SELENOI: variants seen among roughly 807,000 people sequenced by gnomAD.
The protein encoded by SELENOI is ethanolaminephosphotransferase 1.
A neutral mutation model predicts 50.7 loss-of-function variants in SELENOI; 24 were observed. The ratio of observed to expected loss-of-function variants is 0.47; its 90% CI spans 0.34 to 0.67. SELENOI has a LOEUF of 0.67. SELENOI is among the 30% of genes least tolerant of loss of function. The probability of loss-of-function intolerance (pLI) is 0.01; values close to 1 mark genes in which losing one functional copy is unlikely to be tolerated. For synonymous variants in SELENOI, 155 were observed against 170.2 expected, an observed-to-expected ratio of 0.91 and a Z score of 0.70; for missense variants, 352 against 461.4, an observed-to-expected ratio of 0.76 and a Z score of 2.17.
rs1677540746 is a variant in SELENOI, at chr2:26,375,150, T to C, written c.682+2T>C. On this transcript the variant is annotated splice_donor_variant, in intron 6 of 9. Coordinates refer to ENST00000260585, the MANE Select transcript of SELENOI (RefSeq NM_033505.4). LOFTEE classifies it high-confidence loss of function. ...ACCTATTCACTGCAATGATTATTGG[T>C]AAGAAGCTCCATGTTGAAGCCTGTT... 2 of 1,566,132 alleles carry C rather than the reference T, an allele frequency of 1.3e-6. No individual in the cohort carries two copies. The highest frequency in any genetic ancestry group is 3.4e-5 in the Admixed American group (2 of 58,614).
At chr2:26,376,171 T>G (rs1677564251) in intron 6 of SELENOI, among the ~76,000 whole-genome samples, 1 of 151,698 alleles carries the variant, frequency 6.6e-6, no homozygotes, top group Non-Finnish European at 1.5e-5. Flanking sequence ...GGGAATTAGG[T>G]AAGGCTTAGA....
At chr2:26,350,874 G>A (rs959982280) in intron 1 of SELENOI, among the ~76,000 whole-genome samples, 7 of 152,052 alleles carry the variant, frequency 4.6e-5, no homozygotes, top group Non-Finnish European at 1.0e-4. Context: ...CATTTATGAT[G>A]GGTTTCTGTT....
chr2:26,350,742 G>C (rs1160813192), intron 1 of SELENOI, among the ~76,000 whole-genome samples: 1 of 152,192 alleles, frequency 6.6e-6, no homozygotes, highest in Admixed American at 6.5e-5. Context: ...AGCTTCCAGG[G>C]AGTGGGAGCT....
intron 7 of SELENOI, 87 bp from the exon 8 acceptor site, chr2:26,384,872 T>TA (rs755857765): frequency 2.5e-5 from 23 of 909,182 alleles, no homozygotes; most frequent in Non-Finnish European, 3.4e-5. Flanking sequence ...AATAAGTGTA[T>TA]AAATAAGGAA....
chr2:26,384,480 A>C (rs1677798172), intron 7 of SELENOI, among the ~76,000 whole-genome samples: 1 of 152,176 alleles, frequency 6.6e-6, no homozygotes. Flanking sequence ...GCTTAGAGAC[A>C]CTGAGATGTG....
intron 7 of SELENOI, 50 bp downstream of exon 7, chr2:26,383,397 G>C (rs367774070): frequency 7.7e-6 from 10 of 1,300,326 alleles, no homozygotes; most frequent in Non-Finnish European, 1.1e-5. Context: ...AGTTTTAGCA[G>C]TTGTTAGCTG....
intron 9 of SELENOI, among the ~76,000 whole-genome samples, chr2:26,387,355 T>A (rs1677865120): frequency 6.6e-6 from 1 of 152,148 alleles, no homozygotes; most frequent in African/African-American, 2.4e-5. Flanking sequence ...ACAGTACAGT[T>A]ATTTTAATCA....
intron 1 of SELENOI, chr2:26,346,495 C>G: frequency 1.9e-6 from 1 of 532,700 alleles, no homozygotes; most frequent in Non-Finnish European, 3.2e-6. Flanking sequence ...GTCGGCACCC[C>G]CCGGGAGATT....
At chr2:26,385,858 G>A (rs953294107) in intron 8 of SELENOI, among the ~76,000 whole-genome samples, 1 of 152,166 alleles carries the variant, frequency 6.6e-6, no homozygotes, top group Non-Finnish European at 1.5e-5. Flanking sequence ...TATAAAAAGT[G>A]TCTCTGAAAG....
intron 3 of SELENOI, among the ~76,000 whole-genome samples, chr2:26,366,386 A>G (rs1467313454): frequency 1.3e-5 from 2 of 152,182 alleles, no homozygotes; most frequent in East Asian, 3.8e-4. Flanking sequence ...CTTTGTAACT[A>G]GAAATACTAT....
intron 1 of SELENOI, among the ~76,000 whole-genome samples, chr2:26,351,717 G>C (rs1171626189): frequency 3.3e-5 from 5 of 152,180 alleles, no homozygotes; most frequent in Admixed American, 6.5e-5. Context: ...AGGACTTCTG[G>C]ATTTGATCCT....
At chr2:26,365,478 ACT>A (rs1156381500) in intron 3 of SELENOI, among the ~76,000 whole-genome samples, 2 of 151,856 alleles carry the variant, frequency 1.3e-5, no homozygotes, top group Non-Finnish European at 2.9e-5. Context: ...TTTTATCTTC[ACT>A]CTGTTTCACA....
At chr2:26,372,519 T>C (rs976158905) in intron 4 of SELENOI, among the ~76,000 whole-genome samples, 1 of 152,200 alleles carries the variant, frequency 6.6e-6, no homozygotes, top group Admixed American at 6.5e-5. Flanking sequence ...TCAATTCTTA[T>C]ATTTGCTGAA....
chr2:26,356,635 T>A (rs1346927455), intron 1 of SELENOI, among the ~76,000 whole-genome samples: 1 of 152,188 alleles, frequency 6.6e-6, no homozygotes, highest in Non-Finnish European at 1.5e-5. Flanking sequence ...CCCATAATTG[T>A]CACTTGCCTG....
chr2:26,377,853 T>G (rs1014426321), intron 6 of SELENOI, among the ~76,000 whole-genome samples: 2 of 152,232 alleles, frequency 1.3e-5, no homozygotes, highest in East Asian at 3.8e-4. Context: ...TCTATTTCTT[T>G]GCATACCTAG....
intron 1 of SELENOI, among the ~76,000 whole-genome samples, chr2:26,357,429 C>G (rs966690898): frequency 2.6e-5 from 4 of 152,162 alleles, no homozygotes; most frequent in African/African-American, 9.7e-5. Flanking sequence ...TTACTAGCCT[C>G]CTAAGGCTGC....
At position 26,354,793 on chromosome 2, in the gene SELENOI, A is replaced by G. The variant is rs1677033396; in HGVS notation, c.57+8504A>G. On this transcript the variant is annotated intron_variant, in intron 1 of 9. Coordinates refer to ENST00000260585, the MANE Select transcript of SELENOI (RefSeq NM_033505.4). ...TAATGTACGCAGATGGGGAAAATGT[A>G]GTGGAAAAAACCTGATTTTGTTTAC... Among the ~76,000 whole-genome samples, 4 of 152,222 alleles carry G rather than the reference A, an allele frequency of 2.6e-5. No individual in the cohort carries two copies. The South Asian group carries it at 8.3e-4, about 31-fold the overall frequency.
chr2:26,382,324 G>T (rs1267291978), intron 6 of SELENOI, among the ~76,000 whole-genome samples: 3 of 152,232 alleles, frequency 2.0e-5, no homozygotes, highest in Non-Finnish European at 4.4e-5. Context: ...GAAATGGTGA[G>T]ATGGCTAGCG....
intron 6 of SELENOI, among the ~76,000 whole-genome samples, chr2:26,382,850 A>G (rs1055759223): frequency 1.3e-5 from 2 of 152,100 alleles, no homozygotes; most frequent in Admixed American, 6.5e-5. Flanking sequence ...TAGGAAGGTA[A>G]AAAATAAATG....
Sources: gnomAD v4.1 joint callset for allele counts (sites outside exome capture counted in the v4.1 genomes callset) on GRCh38, gnomAD v4.1.1 for gene constraint, MANE v1.5 for transcripts, NCBI Gene and HGNC (gene_info 2026-07-23, HGNC 2026-07-21) for gene names.